Variants in SDK1 observed in about 807,000 individuals in gnomAD.
SDK1 encodes the protein sidekick cell adhesion molecule 1.
In SDK1, 157 loss-of-function variants were observed where a neutral mutation model predicts 245.5. The observed-to-expected ratio is 0.64, with a 90% CI of 0.56 to 0.73. The LOEUF is 0.73. SDK1 is among the 30% of genes least tolerant of loss of function. The pLI, the probability that SDK1 is intolerant of heterozygous loss-of-function variation, is 0.00. For missense variants in SDK1, 3,583 were observed against 3,002.3 expected (o/e 1.19, Z -4.52); for synonymous variants, 1,647 against 1,278.5 (o/e 1.29, Z -6.15).
chr7:3,726,525 C>G (rs868013602), intron 4 of SDK1, among the ~76,000 whole-genome samples: 1 of 152,156 alleles, frequency 6.6e-6, no homozygotes, highest in African/African-American at 2.4e-5. Flanking sequence ...TTAGCACTTT[C>G]TAAAGTATTT....
chr7:3,432,743 C>A (rs761472588), intron 1 of SDK1, among the ~76,000 whole-genome samples: 1 of 152,094 alleles, frequency 6.6e-6, no homozygotes, highest in South Asian at 2.1e-4. Context: ...TAGATGGATA[C>A]CCACATTTAA....
chr7:3,456,866 T>C (rs1780684911), intron 1 of SDK1, among the ~76,000 whole-genome samples: 1 of 152,220 alleles, frequency 6.6e-6, no homozygotes, highest in Non-Finnish European at 1.5e-5. Flanking sequence ...TAGTTAGGTT[T>C]AGCACTCAGG....
chr7:3,917,199 A>G (rs757377610), intron 5 of SDK1, among the ~76,000 whole-genome samples: 36 of 152,344 alleles, frequency 2.4e-4, no homozygotes, highest in Non-Finnish European at 4.3e-4. Flanking sequence ...ATAAAAATCA[A>G]TCACTTGAAA....
At chr7:4,096,819 G>T (rs540834989) in intron 22 of SDK1, among the ~76,000 whole-genome samples, 1 of 152,104 alleles carries the variant, frequency 6.6e-6, no homozygotes, top group African/African-American at 2.4e-5. Context: ...GAGATTCAGG[G>T]GCCGGGGACA....
intron 4 of SDK1, among the ~76,000 whole-genome samples, chr7:3,665,770 C>G (rs1174046286): frequency 6.6e-6 from 1 of 152,262 alleles, no homozygotes; most frequent in East Asian, 1.9e-4. Flanking sequence ...TCCCCTTGCC[C>G]TCCAAAGTCT....
At chr7:4,122,701 AG>A (rs1784147501) in intron 25 of SDK1, among the ~76,000 whole-genome samples, 1 of 152,156 alleles carries the variant, frequency 6.6e-6, no homozygotes, top group Non-Finnish European at 1.5e-5. Flanking sequence ...TACAGAGGGG[AG>A]AGAAAAAAAT....
chr7:3,390,136 G>T (rs1387668622), intron 1 of SDK1, among the ~76,000 whole-genome samples: 2 of 152,152 alleles, frequency 1.3e-5, no homozygotes, highest in Non-Finnish European at 2.9e-5. Flanking sequence ...GTACTGCTTG[G>T]ATTCTTCTTG....
chr7:4,134,001 A>C (rs187474282), intron 28 of SDK1, among the ~76,000 whole-genome samples: 183 of 152,328 alleles, frequency 1.2e-3, no homozygotes, highest in African/African-American at 4.3e-3. Context: ...GCCTGTGTTG[A>C]ACGGCAGCAG....
At chr7:4,094,067 CTT>C (rs893041154) in intron 22 of SDK1, among the ~76,000 whole-genome samples, 28 of 151,792 alleles carry the variant, frequency 1.8e-4, no homozygotes, top group Non-Finnish European at 4.0e-4. Flanking sequence ...GTGTTTTTTG[CTT>C]TTTTTGAGAC....
intron 1 of SDK1, among the ~76,000 whole-genome samples, chr7:3,330,579 G>T (rs1034596099): frequency 6.6e-6 from 1 of 152,146 alleles, no homozygotes; most frequent in African/African-American, 2.4e-5. Context: ...GTCTTGCCAT[G>T]TCATGATACA....
At chr7:3,954,123 G>A (rs1456651623) in intron 7 of SDK1, among the ~76,000 whole-genome samples, 1 of 151,728 alleles carries the variant, frequency 6.6e-6, no homozygotes, top group Non-Finnish European at 1.5e-5. Context: ...TTGCCCACCT[G>A]CCTGTCTATG....
chr7:3,824,566 G>T (rs563829790), intron 5 of SDK1, among the ~76,000 whole-genome samples: 3 of 152,148 alleles, frequency 2.0e-5, no homozygotes, highest in Non-Finnish European at 1.5e-5. Context: ...GGACAGCACC[G>T]TGTTAGAGTG....
chr7:3,678,447 G>A (rs1187708294), intron 4 of SDK1, among the ~76,000 whole-genome samples: 1 of 152,222 alleles, frequency 6.6e-6, no homozygotes, highest in Non-Finnish European at 1.5e-5. Context: ...ATAAAAGGCA[G>A]GAGCTTTGAA....
intron 4 of SDK1, among the ~76,000 whole-genome samples, chr7:3,671,596 C>G (rs1583292286): frequency 6.6e-6 from 1 of 152,226 alleles, no homozygotes; most frequent in East Asian, 1.9e-4. Context: ...AAGTTTAAGA[C>G]TGAGTCAATA....
chr7:3,311,107 A>G (rs956924390), intron 1 of SDK1, among the ~76,000 whole-genome samples: 1 of 152,164 alleles, frequency 6.6e-6, no homozygotes, highest in Non-Finnish European at 1.5e-5. Context: ...GAGTATGGAC[A>G]GTTGACATAA....
chr7:3,954,121 C>G (rs1781048190), intron 7 of SDK1, among the ~76,000 whole-genome samples: 1 of 151,978 alleles, frequency 6.6e-6, no homozygotes, highest in African/African-American at 2.4e-5. Flanking sequence ...GTTTGCCCAC[C>G]TGCCTGTCTA....
At chr7:4,005,643 G>C (rs184175252) in intron 14 of SDK1, among the ~76,000 whole-genome samples, 8 of 152,216 alleles carry the variant, frequency 5.3e-5, no homozygotes, top group Admixed American at 3.9e-4. Context: ...CCCCAAGCGG[G>C]TTTCTGTGGC....
chr7:4,089,082 C>T (rs968706021), intron 22 of SDK1, among the ~76,000 whole-genome samples: 1 of 140,438 alleles, frequency 7.1e-6, no homozygotes, highest in Admixed American at 6.8e-5. Context: ...GACCCTCCCT[C>T]AGGCGGAGGT....
intron 22 of SDK1, among the ~76,000 whole-genome samples, chr7:4,095,346 T>C (rs1320749837): frequency 6.6e-6 from 1 of 151,570 alleles, no homozygotes; most frequent in Non-Finnish European, 1.5e-5. Context: ...CTTCCTCAGC[T>C]CCCCCACACC....
Sources: gnomAD v4.1 joint callset for allele counts (sites outside exome capture counted in the v4.1 genomes callset) on GRCh38, gnomAD v4.1.1 for gene constraint, MANE v1.5 for transcripts, NCBI Gene and HGNC (gene_info 2026-07-23, HGNC 2026-07-21) for gene names.